Variants in PCDHGA3 observed in about 807,000 individuals in gnomAD.
PCDHGA3 encodes protocadherin gamma-A3.
PCDHGA3 carries 40 observed loss-of-function variants against 58.5 expected under a neutral mutation model. That is an observed-to-expected ratio of 0.68 (90% CI 0.53 to 0.89). The LOEUF (loss-of-function observed/expected upper bound fraction) is 0.89, where lower values mean the gene tolerates loss of function less well. Among genes scored for constraint, PCDHGA3 ranks in the 40% least tolerant of loss-of-function variants. PCDHGA3 has a pLI of 0.00. For missense variants in PCDHGA3, 1,223 were observed against 1,195.9 expected, an observed-to-expected ratio of 1.02 and a Z score of -0.33; for synonymous variants, 530 against 525.7, an observed-to-expected ratio of 1.01 and a Z score of -0.11.
intron 1 of PCDHGA3, among the ~76,000 whole-genome samples, chr5:141,457,898 A>T (rs1035775197): frequency 6.6e-6 from 1 of 151,874 alleles, no homozygotes; most frequent in Non-Finnish European, 1.5e-5. Context: ...GACTGTGTAG[A>T]CAAGGTGTGA....
In PCDHGA3 at chr5:141,376,256, C is replaced by T. The variant is rs576537938; in HGVS notation, c.2424+29799C>T. ...GCAGCGCTGGCACAAGTCACGCCTG[C>T]TGCAGGCTTCGGGAGGTGGCTTAGC... On this transcript the variant is annotated intron_variant, in intron 1 of 3. Transcript: ENST00000253812. 8 of 1,614,228 alleles carry T rather than the reference C, an allele frequency of 5.0e-6. No homozygotes were observed. The East Asian group carries it at 1.8e-4, about 36-fold the overall frequency.
At chr5:141,357,402 T>A (rs1760583395) in intron 1 of PCDHGA3, 1 of 1,614,228 alleles carries the variant, frequency 6.2e-7, no homozygotes, top group Non-Finnish European at 8.5e-7. Context: ...GGTTGGCAGG[T>A]GTGCCTGCCT....
chr5:141,355,921 G>A (rs764054199), intron 1 of PCDHGA3: 4 of 1,613,736 alleles, frequency 2.5e-6, no homozygotes, highest in South Asian at 1.1e-5. Flanking sequence ...TAATGCTCCC[G>A]TGTTCACTCA....
rs755837851 is a variant in PCDHGA3, at chr5:141,376,241, C to G, written c.2424+29784C>G. On this transcript the variant is annotated intron_variant, in intron 1 of 3. Coordinates refer to ENST00000253812, the MANE Select transcript of PCDHGA3 (RefSeq NM_018916.4). ...GCTGGCGCTCAGACTGCAGCGCTGG[C>G]ACAAGTCACGCCTGCTGCAGGCTTC... 1.9e-6 allele frequency: 3 copies of G among 1,614,236 alleles called. No homozygotes were observed. The South Asian group carries it at 3.3e-5, about 18-fold the overall frequency.
At chr5:141,361,235 C>T (rs1178694648) in intron 1 of PCDHGA3, 2 of 1,613,774 alleles carry the variant, frequency 1.2e-6, no homozygotes, top group African/African-American at 1.3e-5. Flanking sequence ...ACAGTGATCG[C>T]CTTGATAAAA....
intron 1 of PCDHGA3, chr5:141,357,818 C>G: frequency 4.2e-6 from 3 of 707,928 alleles, no homozygotes; most frequent in Non-Finnish European, 6.8e-6. Flanking sequence ...ATTACTTATC[C>G]TTTTTGGTCT....
At chr5:141,362,477 T>G in intron 1 of PCDHGA3, 1 of 1,614,056 alleles carries the variant, frequency 6.2e-7, no homozygotes, top group Non-Finnish European at 8.5e-7. Flanking sequence ...CAAGATCTCG[T>G]CTGTGACAAT....
chr5:141,359,162 C>T (rs1761135803), intron 1 of PCDHGA3, among the ~76,000 whole-genome samples: 1 of 152,100 alleles, frequency 6.6e-6, no homozygotes, highest in Non-Finnish European at 1.5e-5. Context: ...GATGCAGTTA[C>T]CTGGCTTGGG....
At chr5:141,365,047 G>C in intron 1 of PCDHGA3, 2 of 1,613,804 alleles carry the variant, frequency 1.2e-6, no homozygotes, top group Non-Finnish European at 1.7e-6. Context: ...ACGACAATGC[G>C]CCCCTGTTCA....
intron 1 of PCDHGA3, among the ~76,000 whole-genome samples, chr5:141,472,267 C>T (rs547832378): frequency 6.6e-5 from 10 of 152,216 alleles, no homozygotes; most frequent in African/African-American, 2.4e-4. Context: ...TATAGCCGGG[C>T]ACAGTGGCTC....
At chr5:141,357,087 A>G in intron 1 of PCDHGA3, 2 of 1,613,882 alleles carry the variant, frequency 1.2e-6, no homozygotes, top group Non-Finnish European at 1.7e-6. Context: ...TGCGCACCGC[A>G]CGGGCCCTGC....
intron 1 of PCDHGA3, chr5:141,422,603 C>G: frequency 6.2e-7 from 1 of 1,614,078 alleles, no homozygotes; most frequent in Non-Finnish European, 8.5e-7. Context: ...TCCTCTTACT[C>G]TGCCTACATT....
Position 141,476,035 on chromosome 5 carries a change from C to A in PCDHGA3, c.2425-18772C>A. On this transcript the variant is annotated intron_variant, in intron 1 of 3. Coordinates refer to ENST00000253812, the MANE Select transcript of PCDHGA3 (RefSeq NM_018916.4). This position sits in a 1 kb window ranked among gnomAD's most constrained non-coding sequence, Gnocchi z 7.6. ...CATGTCGGACTCGGCGCCCAGCGCCCAAGCGCTAACCCGCTGAAAGTTTCT... is the reference window on the plus strand; with the variant it reads ...CATGTCGGACTCGGCGCCCAGCGCCAAAGCGCTAACCCGCTGAAAGTTTCT... The A allele has an allele frequency of 1.4e-6, 2 of 1,466,592 alleles. No individual in the cohort carries two copies. The highest frequency in any genetic ancestry group is 1.8e-6 in the Non-Finnish European group (2 of 1,102,494). 90.8% of individuals were successfully genotyped at this position (1,466,592 alleles called of 1,614,324 possible). A position where few individuals can be genotyped will look rare whatever the true frequency, so the allele number is the denominator to read the frequency against.
At chr5:141,419,782 C>T (rs765128711) in intron 1 of PCDHGA3, 9 of 1,614,058 alleles carry the variant, frequency 5.6e-6, no homozygotes, top group Non-Finnish European at 7.6e-6. Flanking sequence ...TCCGCCAGCG[C>T]CTGCTAGTCG....
At chr5:141,371,738 C>A (rs765693064) in intron 1 of PCDHGA3, 9 of 1,613,934 alleles carry the variant, frequency 5.6e-6, no homozygotes, top group African/African-American at 1.3e-5. Context: ...TCAACGACAA[C>A]GTTCCCGTTT....
At chr5:141,424,297 A>G (rs2096812591) in intron 1 of PCDHGA3, 1 of 152,466 alleles carries the variant, frequency 6.6e-6, no homozygotes, top group African/African-American at 2.4e-5. Flanking sequence ...TCTTCATCCT[A>G]TCAACACAGA....
rs966319513 is a variant in PCDHGA3 at position 141,366,126 on chromosome 5, G to A, written c.2424+19669G>A. 6 of 1,614,214 alleles carry A rather than the reference G, an allele frequency of 3.7e-6. No homozygotes were observed. The South Asian group carries it at 5.5e-5, about 15-fold the overall frequency. Reference sequence around the variant, plus strand: ...GTGGTAGCGGTGGACAAAGATTCAGGCCAGAACGCCTGGCTGTCCTACCGC... The same window carrying A: ...GTGGTAGCGGTGGACAAAGATTCAGACCAGAACGCCTGGCTGTCCTACCGC... On this transcript the variant is annotated intron_variant, in intron 1 of 3. Transcript: ENST00000253812.
intron 1 of PCDHGA3, among the ~76,000 whole-genome samples, chr5:141,473,661 G>T (rs935648567): frequency 2.6e-5 from 4 of 152,172 alleles, no homozygotes; most frequent in Non-Finnish European, 4.4e-5. Context: ...TTGTGTGAAG[G>T]CCCTGAGACA....
At chr5:141,389,191 T>G in intron 1 of PCDHGA3, 1 of 1,614,050 alleles carries the variant, frequency 6.2e-7, no homozygotes, top group African/African-American at 1.3e-5. Context: ...AGTTCCAGCA[T>G]CACCCTGCAC....
Sources: allele counts gnomAD v4.1 joint callset (sites outside exome capture counted in the v4.1 genomes callset), GRCh38; gene constraint gnomAD v4.1.1; non-coding constraint Gnocchi (gnomAD v3.1); transcripts MANE v1.5; gene names NCBI Gene and HGNC (gene_info 2026-07-23, HGNC 2026-07-21).